Variants in COL18A1 observed in about 807,000 individuals in gnomAD.
COL18A1 encodes collagen alpha-1(XVIII) chain.
Under a neutral mutation model 168.0 loss-of-function variants are expected in COL18A1, and 133 were observed. The observed-to-expected ratio is 0.79, with a 90% CI of 0.69 to 0.91. The LOEUF (loss-of-function observed/expected upper bound fraction) is 0.91. Ranked by LOEUF, COL18A1 falls within the 40% of genes least tolerant of loss-of-function variation. COL18A1 has a pLI of 0.00. For synonymous variants in COL18A1, 949 were observed against 809.0 expected, an observed-to-expected ratio of 1.17 and a Z score of -2.94; for missense variants, 2,126 against 1,925.4, an observed-to-expected ratio of 1.10 and a Z score of -1.95.
At chr21:45,441,864 G>C (rs1035843131) in intron 2 of COL18A1, among the ~76,000 whole-genome samples, 1 of 152,222 alleles carries the variant, frequency 6.6e-6, no homozygotes, top group South Asian at 2.1e-4. Flanking sequence ...ATAAAGGAGG[G>C]ACTCCCCATG....
intron 2 of COL18A1, among the ~76,000 whole-genome samples, chr21:45,435,846 T>A (rs534504348): frequency 5.9e-5 from 9 of 152,242 alleles, no homozygotes; most frequent in African/African-American, 2.2e-4. Context: ...GGATCGTGGG[T>A]CTGTCAATTG....
intron 2 of COL18A1, chr21:45,467,133 G>T (rs2035240526): frequency 1.4e-6 from 1 of 691,772 alleles, no homozygotes; most frequent in African/African-American, 1.9e-5. Context: ...GCTCTGCCTG[G>T]CACGGCAGGT....
chr21:45,405,840 C>T (rs1045729829), intron 2 of COL18A1, among the ~76,000 whole-genome samples: 3 of 151,766 alleles, frequency 2.0e-5, no homozygotes, highest in Admixed American at 6.6e-5. Context: ...CCCGCAGCGC[C>T]GGGTCCCGGG....
intron 33 of COL18A1, 76 bp from the exon 34 acceptor site, chr21:45,504,340 G>A: frequency 6.7e-7 from 1 of 1,486,544 alleles, no homozygotes; most frequent in Non-Finnish European, 9.2e-7. Flanking sequence ...GCCCAGCCCT[G>A]GCTCGGGGGG....
chr21:45,441,005 G>A (rs975932657), intron 2 of COL18A1, among the ~76,000 whole-genome samples: 3 of 152,224 alleles, frequency 2.0e-5, no homozygotes, highest in Admixed American at 6.5e-5. Context: ...CTGTGCCGAG[G>A]CTGATGGAGA....
chr21:45,421,352 G>A (rs778083096), intron 2 of COL18A1: 2 of 519,564 alleles, frequency 3.8e-6, no homozygotes, highest in Non-Finnish European at 7.9e-6. Flanking sequence ...CAGAACCACA[G>A]GCCTCAGGAG....
chr21:45,435,289 A>C (rs1260178411), intron 2 of COL18A1, among the ~76,000 whole-genome samples: 1 of 51,482 alleles, frequency 1.9e-5, no homozygotes, highest in Non-Finnish European at 3.5e-5. Context: ...GGAGGAAGGA[A>C]GAGGAGGAAG....
intron 2 of COL18A1, among the ~76,000 whole-genome samples, chr21:45,427,220 C>T (rs535625035): frequency 6.6e-6 from 1 of 152,176 alleles, no homozygotes; most frequent in East Asian, 1.9e-4. Flanking sequence ...CCATATCCAC[C>T]TCCATCGCAG....
At chr21:45,505,785 C>CG in intron 36 of COL18A1, 53 bp from the exon 37 acceptor site, 2 of 1,341,196 alleles carry the variant, frequency 1.5e-6, no homozygotes, top group Non-Finnish European at 2.1e-6. Context: ...CCTTCCGCCC[C>CG]TGCCCCCCGC....
intron 2 of COL18A1, among the ~76,000 whole-genome samples, chr21:45,437,898 ACT>A (rs796069521): frequency 3.2e-5 from 2 of 63,418 alleles, no homozygotes; most frequent in Admixed American, 1.5e-4. Context: ...GCACACACAC[ACT>A]CACTCAGACA....
chr21:45,479,217 A>G (rs1352674337), intron 9 of COL18A1, among the ~76,000 whole-genome samples: 15 of 152,136 alleles, frequency 9.9e-5, no homozygotes, highest in Non-Finnish European at 1.8e-4. Context: ...TACACATACC[A>G]CACATGCACA....
chr21:45,467,763 C>T (rs1482044472), intron 2 of COL18A1, among the ~76,000 whole-genome samples: 4 of 150,578 alleles, frequency 2.7e-5, no homozygotes, highest in African/African-American at 7.3e-5. Context: ...TCAGAGTGGG[C>T]GGGCAGGGCA....
At chr21:45,507,715 C>T (rs2037307074) in intron 38 of COL18A1, 122 bp downstream of exon 38, 4 of 910,540 alleles carry the variant, frequency 4.4e-6, no homozygotes, top group South Asian at 1.4e-5. Context: ...ATGTGGCTCA[C>T]CATCAGCCCC....
Position 45,494,931 on chromosome 21 carries a change from C to G in COL18A1, c.2433+16C>G, listed in dbSNP as rs756354388. On this transcript the variant is annotated intron_variant, in intron 28 of 41. Coordinates refer to ENST00000651438, the MANE Select transcript of COL18A1 (RefSeq NM_001379500.1). ...TGGACGGCCGGTGAGGACCTGGGGT[C>G]TCCAGTGGGGGCGGCAGATGGGGTC... The G allele has an allele frequency of 1.9e-6, 3 of 1,607,542 alleles. No homozygotes were observed. Among genetic ancestry groups the G allele is most frequent in the Non-Finnish European group, 2.5e-6 (3 of 1,177,088 alleles).
chr21:45,479,495 C>T (rs1436460980), intron 9 of COL18A1, among the ~76,000 whole-genome samples: 1 of 152,114 alleles, frequency 6.6e-6, no homozygotes, highest in Non-Finnish European at 1.5e-5. Flanking sequence ...CACGTGTGCA[C>T]ACATGTGCAC....
At chr21:45,405,688 A>G (rs1172920654) in intron 2 of COL18A1, among the ~76,000 whole-genome samples, 1 of 148,982 alleles carries the variant, frequency 6.7e-6, no homozygotes, top group Non-Finnish European at 1.5e-5. Flanking sequence ...CCGGGCCGGG[A>G]GGGGTGCGCG....
At chr21:45,500,414 TGTG>T (rs2036727764) in intron 32 of COL18A1, among the ~76,000 whole-genome samples, 1 of 103,622 alleles carries the variant, frequency 9.7e-6, no homozygotes, top group South Asian at 3.6e-4. Flanking sequence ...GTGTTGGGTG[TGTG>T]GTGTGGGGTG....
intron 32 of COL18A1, among the ~76,000 whole-genome samples, chr21:45,500,106 CTGAG>C (rs780696975): frequency 3.5e-4 from 44 of 126,334 alleles, no homozygotes; most frequent in Middle Eastern, 5.2e-3. Context: ...TGTGGGTGTG[CTGAG>C]TGTGTGCAGT....
chr21:45,434,664 G>A (rs916102768), intron 2 of COL18A1, among the ~76,000 whole-genome samples: 5 of 152,234 alleles, frequency 3.3e-5, no homozygotes, highest in Non-Finnish European at 7.3e-5. Context: ...GCATCTGGAC[G>A]TTCCACTTCC....
Sources: gnomAD v4.1 joint callset for allele counts (sites outside exome capture counted in the v4.1 genomes callset) on GRCh38, gnomAD v4.1.1 for gene constraint, MANE v1.5 for transcripts, NCBI Gene and HGNC (gene_info 2026-07-23, HGNC 2026-07-21) for gene names.